LPIN1: variants seen among roughly 807,000 people sequenced by gnomAD.
LPIN1 encodes the protein lipin 1.
Under a neutral mutation model 107.5 loss-of-function variants are expected in LPIN1, and 71 were observed. The observed-to-expected ratio is 0.66, with a 90% CI of 0.55 to 0.80. LPIN1 has a LOEUF of 0.80. Among genes scored for constraint, LPIN1 ranks in the 30% least tolerant of loss-of-function variants. LPIN1 has a pLI of 0.00. For synonymous variants in LPIN1, 445 were observed against 452.6 expected (o/e 0.98, Z 0.21); for missense variants, 1,043 against 1,160.6 (o/e 0.90, Z 1.47).
At chr2:11,777,393 G>A (rs1469952) in intron 6 of LPIN1, 76,628 of 152,072 alleles carry the variant, frequency 0.5, 19,727 homozygotes, top group Middle Eastern at 0.57. Flanking sequence ...TGCGTGAGTT[G>A]CACGCCTGAG....
At chr2:11,738,652 C>T (rs1341532070) in intron 1 of LPIN1, among the ~76,000 whole-genome samples, 1 of 152,172 alleles carries the variant, frequency 6.6e-6, no homozygotes, top group Non-Finnish European at 1.5e-5. Flanking sequence ...AGCAGCCTCA[C>T]AAGTGTCCAC....
chr2:11,776,666 T>G (rs565481779), intron 6 of LPIN1, among the ~76,000 whole-genome samples: 133 of 152,372 alleles, frequency 8.7e-4, no homozygotes, highest in African/African-American at 3.1e-3. Flanking sequence ...GTCTGAATAA[T>G]GGAGTCAGAC....
chr2:11,792,167 G>C (rs574523180), intron 13 of LPIN1, 161 bp downstream of exon 13: 2 of 639,416 alleles, frequency 3.1e-6, no homozygotes, highest in African/African-American at 1.8e-5. Flanking sequence ...CTCGTGGAAC[G>C]TGGGGAAGGT....
chr2:11,816,185 A>G (rs1016530480), intron 18 of LPIN1: 11 of 152,174 alleles, frequency 7.2e-5, no homozygotes, highest in African/African-American at 2.2e-4. Context: ...CTTTTCCATC[A>G]CGGCGTTGTT....
At chr2:11,680,992 C>T (rs888661866) in intron 1 of LPIN1, among the ~76,000 whole-genome samples, 2 of 152,180 alleles carry the variant, frequency 1.3e-5, no homozygotes, top group Non-Finnish European at 2.9e-5. Flanking sequence ...CTCACAGGTG[C>T]TTGATAAATG....
At chr2:11,680,814 T>C (rs977442340) in intron 1 of LPIN1, among the ~76,000 whole-genome samples, 2 of 152,138 alleles carry the variant, frequency 1.3e-5, no homozygotes, top group African/African-American at 2.4e-5. Flanking sequence ...CTATGAAAGA[T>C]AGCAGGCAGT....
intron 5 of LPIN1, 133 bp downstream of exon 5, chr2:11,773,878 C>A: frequency 1.0e-6 from 1 of 981,736 alleles, no homozygotes; most frequent in Non-Finnish European, 1.5e-6. Flanking sequence ...GGTGTAGAGT[C>A]GGAGGTACAG....
chr2:11,805,220 A>G (rs1678468069), intron 17 of LPIN1, 64 bp downstream of exon 17: 6 of 1,261,246 alleles, frequency 4.8e-6, no homozygotes, highest in Admixed American at 1.7e-5. Context: ...CACTCTGCAT[A>G]TGGAATCTTT....
At position 11,705,069 on chromosome 2, in the gene LPIN1, G is replaced by A. The variant is rs183929701; in HGVS notation, c.82-8687G>A. ...GGCATGAAGCCCCTTGAGGGCTACA[G>A]AGATCAATACCACCTTCATCTTTTT... On this transcript the variant is annotated intron_variant, in intron 1 of 21. Transcript: ENST00000449576. 3.8e-3 allele frequency among the ~76,000 whole-genome samples: 584 copies of A among 152,352 alleles called. 2 individuals carry two copies. The highest frequency in any genetic ancestry group is 5.8e-3 in the Non-Finnish European group (393 of 68,034).
chr2:11,787,452 G>T (rs1572829312), intron 11 of LPIN1, among the ~76,000 whole-genome samples: 1 of 139,212 alleles, frequency 7.2e-6, no homozygotes, highest in Non-Finnish European at 1.5e-5. Context: ...CCAGGCTGGA[G>T]TGCAGTGGTG....
chr2:11,802,887 G>T lies in LPIN1; in HGVS notation c.1887-20G>T. The T allele has an allele frequency of 1.9e-6, 3 of 1,612,068 alleles. No homozygotes were observed. The highest frequency in any genetic ancestry group is 1.1e-5 in the South Asian group (1 of 91,000). On this transcript the variant is annotated intron_variant, in intron 14 of 20. Coordinates refer to ENST00000674199, the MANE Select transcript of LPIN1 (RefSeq NM_001349206.2). ...CCAGATGCATTTTCTAATTGGTGAT[G>T]ACATCACTGTGTGTTCCAGGGTAAA...
intron 1 of LPIN1, among the ~76,000 whole-genome samples, chr2:11,727,884 C>G (rs751583805): frequency 3.9e-4 from 60 of 152,226 alleles, no homozygotes; most frequent in Admixed American, 2.6e-4. Flanking sequence ...AACCGCAGGT[C>G]GACAAATACA....
At chr2:11,680,371 G>A (rs1420429333) in intron 1 of LPIN1, among the ~76,000 whole-genome samples, 1 of 152,168 alleles carries the variant, frequency 6.6e-6, no homozygotes, top group African/African-American at 2.4e-5. Context: ...TGGTCTCTGC[G>A]CCACAAGTAT....
chr2:11,677,644 G>A (rs1214133379), exon 1 of LPIN1: 1 of 1,534,770 alleles, frequency 6.5e-7, no homozygotes, highest in African/African-American at 1.4e-5. Flanking sequence ...ATACAGGGCG[G>A]GCCATGGGGG....
intron 1 of LPIN1, among the ~76,000 whole-genome samples, chr2:11,730,213 T>C (rs1177627325): frequency 2.0e-5 from 3 of 152,194 alleles, no homozygotes; most frequent in Non-Finnish European, 2.9e-5. Flanking sequence ...GGGTAATTTC[T>C]GTTACCTACC....
chr2:11,809,577 C>T (rs527468606), intron 17 of LPIN1, among the ~76,000 whole-genome samples: 8 of 152,228 alleles, frequency 5.3e-5, no homozygotes, highest in South Asian at 2.1e-4. Flanking sequence ...CCACCACGCC[C>T]GGGTAATTTT....
chr2:11,772,516 C>T (rs1305543433), intron 4 of LPIN1, among the ~76,000 whole-genome samples: 1 of 152,194 alleles, frequency 6.6e-6, no homozygotes, highest in African/African-American at 2.4e-5. Context: ...CAACGATGCA[C>T]AACTGGGCTG....
At chr2:11,805,424 AG>A (rs1678506860) in intron 17 of LPIN1, 1 of 566,414 alleles carries the variant, frequency 1.8e-6, no homozygotes, top group Non-Finnish European at 3.2e-6. Flanking sequence ...TGGCAGCATT[AG>A]GGGTGAGACT....
chr2:11,757,013 A>G (rs1229893404), intron 1 of LPIN1, among the ~76,000 whole-genome samples: 1 of 152,240 alleles, frequency 6.6e-6, no homozygotes, highest in Non-Finnish European at 1.5e-5. Flanking sequence ...TTGCCAAAGG[A>G]TATTTGTAAG....
Sources: gnomAD v4.1 joint callset for allele counts (sites outside exome capture counted in the v4.1 genomes callset) on GRCh38, gnomAD v4.1.1 for gene constraint, MANE v1.5 for transcripts, NCBI Gene and HGNC (gene_info 2026-07-23, HGNC 2026-07-21) for gene names.